The following STAG1 variants were observed in gnomAD, a reference collection of about 807,000 sequenced individuals.
STAG1 encodes STAG1 cohesin complex component.
A neutral mutation model predicts 170.9 loss-of-function variants in STAG1; 26 were observed. The ratio of observed to expected loss-of-function variants is 0.15; its 90% CI spans 0.11 to 0.21. The LOEUF (loss-of-function observed/expected upper bound fraction) is 0.21, where lower values mean the gene tolerates loss of function less well. STAG1 is among the 10% of genes least tolerant of loss of function. STAG1 has a pLI of 1.00. For missense variants in STAG1, 964 were observed against 1,509.5 expected, an observed-to-expected ratio of 0.64 and a Z score of 5.99; for synonymous variants, 514 against 497.7, an observed-to-expected ratio of 1.03 and a Z score of -0.44.
intron 6 of STAG1, among the ~76,000 whole-genome samples, chr3:136,526,106 T>G (rs1014576214): frequency 1.3e-5 from 2 of 152,216 alleles, no homozygotes; most frequent in Non-Finnish European, 2.9e-5. Flanking sequence ...TAGATGTCTA[T>G]TAATTCTGCT....
At chr3:136,656,617 T>TGTGTGTGTGTGTGTGTGTG (rs1941381695) in intron 1 of STAG1, among the ~76,000 whole-genome samples, 1 of 143,294 alleles carries the variant, frequency 7.0e-6, no homozygotes, top group African/African-American at 2.7e-5. Flanking sequence ...CTGTATTTAT[T>TGTGTGTGTGTGTGTGTGTG]TGTGTGTGTG....
intron 4 of STAG1, among the ~76,000 whole-genome samples, chr3:136,603,273 C>T (rs1938763914): frequency 6.6e-6 from 1 of 151,766 alleles, no homozygotes; most frequent in Non-Finnish European, 1.5e-5. Flanking sequence ...CTCACTGCAA[C>T]CTCCACCTCC....
intron 2 of STAG1, among the ~76,000 whole-genome samples, chr3:136,628,037 T>C (rs1273279673): frequency 6.6e-6 from 1 of 152,198 alleles, no homozygotes; most frequent in Admixed American, 6.5e-5. Flanking sequence ...CTCACCAAAA[T>C]CTCATCTCGA....
At chr3:136,414,839 C>T (rs1674337839) in intron 21 of STAG1, among the ~76,000 whole-genome samples, 1 of 152,122 alleles carries the variant, frequency 6.6e-6, no homozygotes, top group South Asian at 2.1e-4. Flanking sequence ...TCCACTTGAA[C>T]ATTAAGGAAC....
At chr3:136,503,623 A>C (rs1933599591) in intron 7 of STAG1, among the ~76,000 whole-genome samples, 1 of 152,192 alleles carries the variant, frequency 6.6e-6, no homozygotes, top group South Asian at 2.1e-4. Context: ...AAGTATGAAC[A>C]TTTGGTTATT....
At chr3:136,600,779 C>T (rs760662976) in intron 4 of STAG1, among the ~76,000 whole-genome samples, 4 of 152,138 alleles carry the variant, frequency 2.6e-5, no homozygotes, top group South Asian at 2.1e-4. Flanking sequence ...CTGATCTGCC[C>T]GCCTGGGCCT....
intron 22 of STAG1, among the ~76,000 whole-genome samples, chr3:136,393,262 T>C (rs144805998): frequency 2.4e-4 from 36 of 152,044 alleles, no homozygotes; most frequent in African/African-American, 8.0e-4. Context: ...GGGGAAAAAA[T>C]GGATAGAGTT....
At chr3:136,729,678 T>C (rs994152434) in intron 1 of STAG1, among the ~76,000 whole-genome samples, 72 of 151,220 alleles carry the variant, frequency 4.8e-4, no homozygotes, top group Non-Finnish European at 3.2e-4. Context: ...TTTCAAGTGA[T>C]TCTCCTGCCT....
chr3:136,661,960 T>TCAA (rs1305991347), intron 1 of STAG1, among the ~76,000 whole-genome samples: 2 of 152,174 alleles, frequency 1.3e-5, no homozygotes, highest in Non-Finnish European at 2.9e-5. Flanking sequence ...TGACTCTGTA[T>TCAA]CCCACACCCT....
chr3:136,514,807 C>A (rs1392719599), intron 7 of STAG1, among the ~76,000 whole-genome samples: 1 of 152,016 alleles, frequency 6.6e-6, no homozygotes, highest in Non-Finnish European at 1.5e-5. Flanking sequence ...CAAACTATCA[C>A]AAGGACAGAA....
At chr3:136,548,012 T>C (rs1049062241) in intron 5 of STAG1, among the ~76,000 whole-genome samples, 2 of 152,190 alleles carry the variant, frequency 1.3e-5, no homozygotes, top group Admixed American at 1.3e-4. Context: ...TTGACACCCT[T>C]GTCAAAGGTA....
intron 7 of STAG1, among the ~76,000 whole-genome samples, chr3:136,504,095 T>C (rs938238431): frequency 6.6e-6 from 1 of 152,200 alleles, no homozygotes; most frequent in Non-Finnish European, 1.5e-5. Context: ...ATAGTATGTA[T>C]GTATGCTGTA....
intron 5 of STAG1, among the ~76,000 whole-genome samples, chr3:136,560,854 T>C (rs1936810116): frequency 6.6e-6 from 1 of 152,224 alleles, no homozygotes; most frequent in South Asian, 2.1e-4. Context: ...GTTCATACTA[T>C]TCACTCATGA....
intron 4 of STAG1, among the ~76,000 whole-genome samples, chr3:136,576,684 G>C (rs1207141604): frequency 6.6e-6 from 1 of 152,172 alleles, no homozygotes; most frequent in African/African-American, 2.4e-5. Flanking sequence ...GGTGGTTAAA[G>C]ATGAGTTTTA....
chr3:136,513,300 C>A (rs1321126917), intron 7 of STAG1, among the ~76,000 whole-genome samples: 1 of 151,400 alleles, frequency 6.6e-6, no homozygotes, highest in African/African-American at 2.4e-5. Flanking sequence ...TAGGTCATAG[C>A]GAGCCAAGAT....
intron 6 of STAG1, among the ~76,000 whole-genome samples, chr3:136,533,784 C>T (rs1313183106): frequency 6.6e-6 from 1 of 152,124 alleles, no homozygotes; most frequent in Non-Finnish European, 1.5e-5. Context: ...AACATCCAAA[C>T]CATATCAATG....
intron 1 of STAG1, among the ~76,000 whole-genome samples, chr3:136,733,314 G>A (rs1474558109): frequency 6.6e-6 from 1 of 151,720 alleles, no homozygotes; most frequent in Non-Finnish European, 1.5e-5. Flanking sequence ...TCAAACTTCT[G>A]AGCTCAAATG....
intron 3 of STAG1, among the ~76,000 whole-genome samples, chr3:136,622,135 TAAAAAA>T (rs75542452): frequency 1.5e-4 from 14 of 92,816 alleles, no homozygotes; most frequent in Non-Finnish European, 2.4e-4. Context: ...CCATCTCTAC[TAAAAAA>T]AAAAAAAAAA....
Position 136,551,208 on chromosome 3 carries a change from T to TGAGAGA in STAG1, c.395-9019_395-9014dup, listed in dbSNP as rs57609965. The stretch of plus-strand genomic sequence containing the variant: ...GAGAGAGAGAGAGGTTGAGAGAGAG[T>TGAGAGA]GAGAGAGAGAGAGAGAGAGAGAGAG... On this transcript the variant is annotated intron_variant, in intron 5 of 33. Transcript: ENST00000383202. 5.9e-3 allele frequency among the ~76,000 whole-genome samples: 262 copies of TGAGAGA among 44,420 alleles called. 1 individual carries two copies. The highest frequency in any genetic ancestry group is 8.8e-3 in the East Asian group (12 of 1,370). The allele number at this position is 44,420 out of a possible 152,430, so 29.1% of individuals were successfully genotyped here.
Sources: allele counts gnomAD v4.1 joint callset (sites outside exome capture counted in the v4.1 genomes callset), GRCh38; gene constraint gnomAD v4.1.1; transcripts MANE v1.5; gene names NCBI Gene and HGNC (gene_info 2026-07-23, HGNC 2026-07-21).